The following MAP2 variants were observed in gnomAD, a reference collection of about 807,000 sequenced individuals.
The protein encoded by MAP2 is microtubule-associated protein 2.
A neutral mutation model predicts 137.6 loss-of-function variants in MAP2; 14 were observed. The ratio of observed to expected loss-of-function variants is 0.10; its 90% CI spans 0.07 to 0.16. The LOEUF (loss-of-function observed/expected upper bound fraction) is 0.16. Among genes scored for constraint, MAP2 ranks in the 10% least tolerant of loss-of-function variants. The pLI is 1.00. For missense variants in MAP2, 2,088 were observed against 2,191.5 expected (o/e 0.95, Z 0.94); for synonymous variants, 786 against 782.3 (o/e 1.00, Z -0.08).
intron 1 of MAP2, among the ~76,000 whole-genome samples, chr2:209,481,750 A>G (rs766152751): frequency 9.2e-5 from 14 of 152,330 alleles, no homozygotes; most frequent in Middle Eastern, 3.4e-3. Context: ...TTTCTGAATA[A>G]AGGGAATTAT....
At chr2:209,554,815 C>T (rs940564659) in intron 2 of MAP2, among the ~76,000 whole-genome samples, 3 of 150,494 alleles carry the variant, frequency 2.0e-5, no homozygotes, top group Non-Finnish European at 4.4e-5. Context: ...AGATTCATTT[C>T]GGTAGCAGGT....
chr2:209,427,582 T>A (rs1019570997), intron 1 of MAP2, among the ~76,000 whole-genome samples: 1 of 152,224 alleles, frequency 6.6e-6, no homozygotes, highest in African/African-American at 2.4e-5. Flanking sequence ...ATGTTAGACT[T>A]ACTGTTCTCT....
intron 2 of MAP2, among the ~76,000 whole-genome samples, chr2:209,511,815 T>C (rs533334964): frequency 3.0e-4 from 46 of 152,228 alleles, no homozygotes; most frequent in African/African-American, 1.1e-3. Context: ...AAAGCGATCC[T>C]CCTGCTTCAG....
intron 2 of MAP2, among the ~76,000 whole-genome samples, chr2:209,512,364 T>C (rs1023008062): frequency 6.6e-6 from 1 of 151,808 alleles, no homozygotes; most frequent in Admixed American, 6.6e-5. Flanking sequence ...GCTAAATAAA[T>C]AGGAGTGTTT....
intron 2 of MAP2, among the ~76,000 whole-genome samples, chr2:209,553,338 T>C (rs2069678343): frequency 6.6e-6 from 1 of 152,140 alleles, no homozygotes; most frequent in Non-Finnish European, 1.5e-5. Context: ...TAAGAGGCAG[T>C]ATGGTACAGC....
intron 5 of MAP2, among the ~76,000 whole-genome samples, chr2:209,659,982 G>C (rs1171700212): frequency 6.6e-6 from 1 of 152,048 alleles, no homozygotes; most frequent in Admixed American, 6.6e-5. Flanking sequence ...AGCTTGCAGC[G>C]AGCCGAGATG....
chr2:209,703,839 A>C (rs2062504927), intron 11 of MAP2: 6 of 365,000 alleles, frequency 1.6e-5, no homozygotes, highest in South Asian at 1.3e-4. Flanking sequence ...ACCAAACATA[A>C]ACAATCACAT....
At chr2:209,678,885 G>A (rs1051192352) in intron 6 of MAP2, among the ~76,000 whole-genome samples, 200 bp downstream of exon 6, 7 of 151,998 alleles carry the variant, frequency 4.6e-5, no homozygotes, top group South Asian at 2.1e-4. Context: ...ATAGTCTTTC[G>A]TTAGGGTGGT....
chr2:209,438,065 G>A (rs1255661527), intron 1 of MAP2, among the ~76,000 whole-genome samples: 5 of 151,632 alleles, frequency 3.3e-5, no homozygotes, highest in Non-Finnish European at 7.4e-5. Flanking sequence ...CTGTACTATT[G>A]TTATGGTAGT....
chr2:209,633,537 G>A (rs9288410), intron 4 of MAP2, among the ~76,000 whole-genome samples: 45,371 of 152,044 alleles, frequency 0.3, 11,160 homozygotes, highest in African/African-American at 0.67. Flanking sequence ...TACGTGATAA[G>A]TAAATGGATT....
intron 1 of MAP2, among the ~76,000 whole-genome samples, chr2:209,461,759 CTTAA>C (rs1220616651): frequency 6.6e-6 from 1 of 152,196 alleles, no homozygotes; most frequent in East Asian, 1.9e-4. Context: ...TTAATAGATT[CTTAA>C]TTAATTGTTT....
At chr2:209,617,629 T>C (rs1219458799) in intron 3 of MAP2, among the ~76,000 whole-genome samples, 1 of 152,020 alleles carries the variant, frequency 6.6e-6, no homozygotes, top group East Asian at 1.9e-4. Context: ...GAAAAGGAGA[T>C]CTGGTGTCTC....
At chr2:209,713,809 T>C (rs1046093400) in intron 13 of MAP2, among the ~76,000 whole-genome samples, 1 of 152,192 alleles carries the variant, frequency 6.6e-6, no homozygotes. Context: ...GGTTTTAAAA[T>C]AGTTACTTGG....
intron 13 of MAP2, among the ~76,000 whole-genome samples, chr2:209,719,403 C>T (rs990432658): frequency 3.9e-5 from 6 of 152,196 alleles, no homozygotes; most frequent in African/African-American, 1.4e-4. Flanking sequence ...AATCTCATTG[C>T]TCAAGAAATT....
At chr2:209,567,662 T>C (rs1274369856) in intron 2 of MAP2, among the ~76,000 whole-genome samples, 1 of 151,924 alleles carries the variant, frequency 6.6e-6, no homozygotes, top group Non-Finnish European at 1.5e-5. Context: ...ATATGTTTGC[T>C]ATTAGTAGCA....
At chr2:209,444,077 A>T (rs1574987247) in intron 1 of MAP2, among the ~76,000 whole-genome samples, 1 of 151,624 alleles carries the variant, frequency 6.6e-6, no homozygotes, top group African/African-American at 2.4e-5. Flanking sequence ...GTCAGCAGAG[A>T]TGTCTGTATG....
At chr2:209,534,700 A>G (rs906912522) in intron 2 of MAP2, among the ~76,000 whole-genome samples, 4 of 152,218 alleles carry the variant, frequency 2.6e-5, no homozygotes, top group African/African-American at 4.8e-5. Context: ...ATAGAATTAT[A>G]TAATCAGAAT....
chr2:209,729,999 A>T (rs74843714), intron 15 of MAP2, 37 bp downstream of exon 15: 38 of 1,369,626 alleles, frequency 2.8e-5, no homozygotes, highest in African/African-American at 1.1e-4. Flanking sequence ...TTGTCTTTTT[A>T]AAAAAAATTC....
intron 3 of MAP2, among the ~76,000 whole-genome samples, chr2:209,586,674 G>A (rs2077810355): frequency 6.6e-6 from 1 of 152,110 alleles, no homozygotes. Flanking sequence ...GCAGAGAAGA[G>A]TCAACTGGGG....
Sources: gnomAD v4.1 joint callset for allele counts (sites outside exome capture counted in the v4.1 genomes callset) on GRCh38, gnomAD v4.1.1 for gene constraint, MANE v1.5 for transcripts, NCBI Gene and HGNC (gene_info 2026-07-23, HGNC 2026-07-21) for gene names.